The following FGF14 variants were observed in gnomAD, a reference collection of about 807,000 sequenced individuals.
FGF14 encodes the protein fibroblast growth factor homologous factor 4.
In FGF14, 5 loss-of-function variants were observed where a neutral mutation model predicts 25.5. The observed-to-expected ratio is 0.20, with a 90% CI of 0.10 to 0.41. The LOEUF (loss-of-function observed/expected upper bound fraction) is 0.41, where lower values mean the gene tolerates loss of function less well. Ranked by LOEUF, FGF14 falls within the 10% of genes least tolerant of loss-of-function variation. FGF14 has a pLI of 1.00. For missense variants in FGF14, 222 were observed against 320.1 expected, an observed-to-expected ratio of 0.69 and a Z score of 2.34; for synonymous variants, 138 against 118.3, an observed-to-expected ratio of 1.17 and a Z score of -1.08.
At chr13:102,087,639 T>C (rs145314206) in intron 1 of FGF14, among the ~76,000 whole-genome samples, 27,416 of 144,664 alleles carry the variant, frequency 0.19, 3,304 homozygotes, top group Middle Eastern at 0.28. Context: ...TTAGCCAGGA[T>C]GGTCTCGATC....
chr13:102,118,726 G>A (rs549551437), intron 1 of FGF14, among the ~76,000 whole-genome samples: 2 of 151,972 alleles, frequency 1.3e-5, no homozygotes, highest in East Asian at 3.9e-4. Context: ...AATATCATGT[G>A]CATATTAAAT....
intron 1 of FGF14, among the ~76,000 whole-genome samples, chr13:102,045,679 C>A (rs1022512124): frequency 2.6e-5 from 4 of 152,086 alleles, no homozygotes; most frequent in African/African-American, 9.7e-5. Context: ...CATATTTGAT[C>A]CCTGATACAG....
At chr13:101,978,225 C>A (rs2038045315) in intron 1 of FGF14, among the ~76,000 whole-genome samples, 1 of 152,194 alleles carries the variant, frequency 6.6e-6, no homozygotes, top group Admixed American at 6.5e-5. Context: ...ATTTTCAAAG[C>A]AAAATTTCCT....
At chr13:102,349,932 G>A (rs941092769) in intron 1 of FGF14, among the ~76,000 whole-genome samples, 1 of 152,156 alleles carries the variant, frequency 6.6e-6, no homozygotes, top group Admixed American at 6.5e-5. Context: ...GATACTAAGG[G>A]GGGAAAATTA....
chr13:102,381,466 G>A (rs551474383), intron 1 of FGF14, among the ~76,000 whole-genome samples: 72 of 152,278 alleles, frequency 4.7e-4, no homozygotes, highest in African/African-American at 1.6e-3. Flanking sequence ...GAGGATGCAG[G>A]AAGTAGGCAC....
intron 1 of FGF14, among the ~76,000 whole-genome samples, chr13:102,307,275 G>T (rs2055440664): frequency 6.6e-6 from 1 of 152,106 alleles, no homozygotes; most frequent in Non-Finnish European, 1.5e-5. Flanking sequence ...AGAACCTCCG[G>T]AAAGGAACGC....
chr13:102,344,307 T>A (rs2057038954), intron 1 of FGF14, among the ~76,000 whole-genome samples: 1 of 152,218 alleles, frequency 6.6e-6, no homozygotes, highest in Admixed American at 6.5e-5. Context: ...GGAATCTGAA[T>A]TAAAATAGAA....
At chr13:102,195,193 G>A (rs894005337) in intron 1 of FGF14, among the ~76,000 whole-genome samples, 5 of 152,070 alleles carry the variant, frequency 3.3e-5, no homozygotes, top group African/African-American at 4.8e-5. Flanking sequence ...ACCAGTAGAC[G>A]TAACAATATA....
chr13:101,873,571 C>T (rs79370881), intron 2 of FGF14, among the ~76,000 whole-genome samples: 6 of 151,974 alleles, frequency 3.9e-5, no homozygotes, highest in Non-Finnish European at 5.9e-5. Context: ...AATTATGAAT[C>T]GCTAAACTTT....
chr13:102,098,008 C>T (rs1353003556), intron 1 of FGF14, among the ~76,000 whole-genome samples: 1 of 152,224 alleles, frequency 6.6e-6, no homozygotes, highest in Non-Finnish European at 1.5e-5. Context: ...CTAGGGCTCA[C>T]CATGCAGCCC....
chr13:101,950,752 T>TTG, intron 1 of FGF14, among the ~76,000 whole-genome samples: 1 of 7,836 alleles, frequency 1.3e-4, no homozygotes, highest in Admixed American at 2.2e-3. Flanking sequence ...CCTAATCATG[T>TTG]TTTTTTTTTT....
rs536472822 is a variant in FGF14 at position 101,777,878 on chromosome 13, C to T, written c.409-51068G>A. The stretch of plus-strand genomic sequence containing the variant: ...AGTCGGGAGGCTAGGGTAGGAGAAT[C>T]GCTTGAACCCAGGAGGTGGAGGTTG... On this transcript the variant is annotated intron_variant, in intron 3 of 4. Coordinates refer to ENST00000376143, the MANE Select transcript of FGF14 (RefSeq NM_004115.4). Among the ~76,000 whole-genome samples the T allele has an allele frequency of 1.3e-4, 20 of 152,154 alleles. 1 individual carries two copies. The East Asian group carries it at 3.1e-3, about 24-fold the overall frequency.
At chr13:102,118,764 T>C (rs1329229915) in intron 1 of FGF14, among the ~76,000 whole-genome samples, 1 of 152,078 alleles carries the variant, frequency 6.6e-6, no homozygotes, top group Non-Finnish European at 1.5e-5. Flanking sequence ...ACTTAAAAAA[T>C]AAATCTGAAG....
chr13:102,344,439 CACA>C (rs1023700647), intron 1 of FGF14, among the ~76,000 whole-genome samples: 2 of 152,210 alleles, frequency 1.3e-5, no homozygotes, highest in Non-Finnish European at 2.9e-5. Context: ...TGTGTAACAA[CACA>C]ACATCTATTA....
At chr13:102,164,281 A>G (rs1278403315) in intron 1 of FGF14, among the ~76,000 whole-genome samples, 1 of 152,132 alleles carries the variant, frequency 6.6e-6, no homozygotes, top group East Asian at 1.9e-4. Flanking sequence ...TGTGCATTTT[A>G]TTTTTCCTGT....
chr13:101,742,741 C>G (rs541976238), intron 3 of FGF14, among the ~76,000 whole-genome samples: 1 of 152,046 alleles, frequency 6.6e-6, no homozygotes, highest in South Asian at 2.1e-4. Context: ...ATGCATTGGG[C>G]AAAGCTGCCT....
intron 1 of FGF14, among the ~76,000 whole-genome samples, chr13:102,170,833 A>G (rs1456316468): frequency 6.6e-6 from 1 of 152,154 alleles, no homozygotes; most frequent in East Asian, 1.9e-4. Context: ...ACCTGCATCT[A>G]ATAATATATT....
chr13:102,290,489 T>C (rs2054330374), intron 1 of FGF14, among the ~76,000 whole-genome samples: 1 of 152,126 alleles, frequency 6.6e-6, no homozygotes, highest in Non-Finnish European at 1.5e-5. Flanking sequence ...ATCATCAAAA[T>C]TGTCACTGCT....
intron 1 of FGF14, among the ~76,000 whole-genome samples, chr13:102,166,849 G>A (rs1023354717): frequency 2.0e-5 from 3 of 152,112 alleles, no homozygotes; most frequent in African/African-American, 4.8e-5. Flanking sequence ...GAACCTAGCC[G>A]TGTATTTCCT....
Sources: gnomAD v4.1 joint callset for allele counts (sites outside exome capture counted in the v4.1 genomes callset) on GRCh38, gnomAD v4.1.1 for gene constraint, MANE v1.5 for transcripts, NCBI Gene and HGNC (gene_info 2026-07-23, HGNC 2026-07-21) for gene names.